SLC9A6: variants seen among roughly 807,000 people sequenced by gnomAD.
SLC9A6 encodes sodium/hydrogen exchanger 6.
A neutral mutation model predicts 45.3 loss-of-function variants in SLC9A6; 6 were observed. The observed-to-expected ratio is 0.13, with a 90% CI of 0.07 to 0.26. The LOEUF (loss-of-function observed/expected upper bound fraction) is 0.26. SLC9A6 is among the 10% of genes least tolerant of loss of function. SLC9A6 has a pLI of 1.00. For synonymous variants in SLC9A6, 191 were observed against 187.7 expected, an observed-to-expected ratio of 1.02 and a Z score of -0.14; for missense variants, 278 against 503.7, an observed-to-expected ratio of 0.55 and a Z score of 4.29.
chrX:135,994,916 G>A lies in SLC9A6; in HGVS notation c.300G>A (p.Glu100=). The change falls in exon 3 of 18, where the codon GAG becomes GAA. Residue 100 remains glutamate, a synonymous_variant. Coordinates refer to ENST00000630721, the MANE Select transcript of SLC9A6 (RefSeq NM_001379110.1). ...TAAATGTTAGTGGAAAATTTTATGAGTATATGCTGAAAGGAGAGATTAGTT... is the reference window on the plus strand; with the variant it reads ...TAAATGTTAGTGGAAAATTTTATGAATATATGCTGAAAGGAGAGATTAGTT... The part of the protein sequence containing the change: ...LLVNVSGKFY[E]YMLKGEISSH... 8.3e-7 allele frequency: 1 copy of A among 1,204,618 alleles called. No individual in the cohort carries two copies. Among genetic ancestry groups the A allele is most frequent in the African/African-American group, 1.7e-5 (1 of 57,649 alleles).
At chrX:136,006,526 T>C (rs1377877135) in intron 7 of SLC9A6, among the ~76,000 whole-genome samples, 1 of 108,466 alleles carries the variant, frequency 9.2e-6, no homozygotes, top group African/African-American at 3.4e-5. Flanking sequence ...ATTTTATTTT[T>C]TAAAATAATG....
chrX:136,032,260 C>CG (rs2071338852), intron 15 of SLC9A6, among the ~76,000 whole-genome samples: 1 of 111,598 alleles, frequency 9.0e-6, no homozygotes, highest in South Asian at 3.8e-4. Flanking sequence ...TTAGTAGAGA[C>CG]GGGGTTTCCC....
At chrX:136,003,807 C>A (rs2089615269) in intron 7 of SLC9A6, among the ~76,000 whole-genome samples, 3 of 111,861 alleles carry the variant, frequency 2.7e-5, no homozygotes, top group African/African-American at 9.7e-5. Flanking sequence ...TATATTTTTG[C>A]TAACTTGATA....
chrX:135,998,653 G>A, intron 5 of SLC9A6, 95 bp downstream of exon 5: 2 of 728,073 alleles, frequency 2.7e-6, no homozygotes, highest in Non-Finnish European at 4.2e-6. Flanking sequence ...ATTCCTGACT[G>A]GGTCTAAAGA....
At chrX:136,000,320 T>C (rs1372858801) in intron 6 of SLC9A6, among the ~76,000 whole-genome samples, 2 of 108,063 alleles carry the variant, frequency 1.9e-5, no homozygotes, top group Non-Finnish European at 3.8e-5. Context: ...TTTAGAGAAT[T>C]TGTGTAGTTT....
chrX:135,975,477 A>G (rs782069971), intron 1 of SLC9A6, among the ~76,000 whole-genome samples: 1 of 112,045 alleles, frequency 8.9e-6, no homozygotes, highest in African/African-American at 3.2e-5. Context: ...CTTCTAACAT[A>G]CTATATAATT....
At chrX:135,998,311 T>C (rs1288635849) in intron 4 of SLC9A6, 126 bp downstream of exon 4, 7 of 565,450 alleles carry the variant, frequency 1.2e-5, no homozygotes, top group Non-Finnish European at 1.8e-5. Context: ...TTATCCTTTT[T>C]AGATGCTGAA....
chrX:136,012,851 A>G (rs1348929196), intron 8 of SLC9A6, 98 bp from the exon 9 acceptor site: 15 of 614,553 alleles, frequency 2.4e-5, no homozygotes, highest in Middle Eastern at 4.2e-4. Flanking sequence ...TAGAGAAGCT[A>G]GAGAACCTTT....
intron 7 of SLC9A6, chrX:136,010,227 C>T (rs926171903): frequency 6.5e-6 from 2 of 305,472 alleles, no homozygotes; most frequent in East Asian, 6.2e-5. Context: ...ATGTTCTACC[C>T]CCCCCCCGAA....
rs188986843 is a variant in SLC9A6 at position 136,006,303 on chromosome X, T to A, written c.743+4090T>A. On this transcript the variant is annotated intron_variant, in intron 7 of 17. Transcript: ENST00000630721. Reference sequence around the variant, plus strand: ...GGTTGTTTTTGTTTCTGTCTGGTTTTTTTTTTTCCCAACTTTTATTTTAAG... The same window carrying A: ...GGTTGTTTTTGTTTCTGTCTGGTTTATTTTTTTCCCAACTTTTATTTTAAG... 1.4e-4 allele frequency among the ~76,000 whole-genome samples: 15 copies of A among 110,248 alleles called. No homozygotes were observed. In the East Asian group the frequency reaches 3.7e-3, roughly 27 times the overall value.
intron 10 of SLC9A6, among the ~76,000 whole-genome samples, chrX:136,015,347 C>T (rs1051637310): frequency 8.9e-6 from 1 of 112,090 alleles, no homozygotes; most frequent in African/African-American, 3.2e-5. Flanking sequence ...CCTGCAAATC[C>T]TCTCATGTTT....
chrX:135,991,873 C>A (rs1423877626), intron 2 of SLC9A6, among the ~76,000 whole-genome samples: 2 of 110,535 alleles, frequency 1.8e-5, no homozygotes, highest in Non-Finnish European at 3.8e-5. Flanking sequence ...CCTCTAGCAG[C>A]CCCTTAATGT....
At chrX:136,037,681 C>T (rs1556621955) in intron 16 of SLC9A6, among the ~76,000 whole-genome samples, 1 of 112,112 alleles carries the variant, frequency 8.9e-6, no homozygotes, top group Admixed American at 9.4e-5. Flanking sequence ...AGTGATTCTT[C>T]TGCCTCAGCC....
At chrX:135,976,672 A>C (rs1347264792) in intron 1 of SLC9A6, among the ~76,000 whole-genome samples, 2 of 111,677 alleles carry the variant, frequency 1.8e-5, no homozygotes, top group African/African-American at 6.5e-5. Flanking sequence ...AATGATTAGG[A>C]GTTTTCTTAT....
At chrX:136,038,497 A>AT (rs1220485927) in intron 16 of SLC9A6, among the ~76,000 whole-genome samples, 1 of 110,983 alleles carries the variant, frequency 9.0e-6, no homozygotes, top group Non-Finnish European at 1.9e-5. Context: ...TTGGCTTGTG[A>AT]TTTTTTCTTA....
intron 13 of SLC9A6, 115 bp from the exon 14 acceptor site, chrX:136,028,771 G>A (rs929014572): frequency 1.1e-5 from 3 of 273,133 alleles, no homozygotes; most frequent in Non-Finnish European, 1.9e-5. Flanking sequence ...TCTCCCTTCA[G>A]TGTTATTTGT....
chrX:136,002,303 A>T (rs1210158507), intron 7 of SLC9A6, 90 bp downstream of exon 7: 2 of 649,588 alleles, frequency 3.1e-6, no homozygotes, highest in East Asian at 6.6e-5. Flanking sequence ...TACATTATGA[A>T]TGGAAACATT....
chrX:135,979,781 C>T (rs913251202), intron 1 of SLC9A6, among the ~76,000 whole-genome samples: 1 of 112,087 alleles, frequency 8.9e-6, no homozygotes, highest in Non-Finnish European at 1.9e-5. Flanking sequence ...CTTTTCTTTT[C>T]TTGAAATGGA....
chrX:135,995,377 C>T (rs1430411614), intron 3 of SLC9A6, among the ~76,000 whole-genome samples: 1 of 111,354 alleles, frequency 9.0e-6, no homozygotes, highest in Non-Finnish European at 1.9e-5. Flanking sequence ...AGGTAGAGTG[C>T]AGTGGCATGA....
Sources: gnomAD v4.1 joint callset for allele counts (sites outside exome capture counted in the v4.1 genomes callset) on GRCh38, gnomAD v4.1.1 for gene constraint, MANE v1.5 for transcripts, NCBI Gene and HGNC (gene_info 2026-07-23, HGNC 2026-07-21) for gene names.